The following NHEJ1 variants were observed in gnomAD, a reference collection of about 807,000 sequenced individuals.
NHEJ1 encodes the protein non-homologous end joining factor 1.
Under a neutral mutation model 39.4 loss-of-function variants are expected in NHEJ1, and 22 were observed. The observed-to-expected ratio is 0.56, with a 90% CI of 0.40 to 0.80. The LOEUF is 0.80. NHEJ1 is among the 30% of genes least tolerant of loss of function. The probability of loss-of-function intolerance (pLI) is 0.00; values close to 1 mark genes in which losing one functional copy is unlikely to be tolerated. For synonymous variants in NHEJ1, 154 were observed against 135.6 expected (o/e 1.14, Z -0.94); for missense variants, 329 against 357.1 (o/e 0.92, Z 0.63).
chr2:219,134,474 T>C (rs1949606527), intron 5 of NHEJ1, among the ~76,000 whole-genome samples: 1 of 152,226 alleles, frequency 6.6e-6, no homozygotes, highest in Non-Finnish European at 1.5e-5. Context: ...TACTATGCTA[T>C]TCTGATTATC....
intron 5 of NHEJ1, among the ~76,000 whole-genome samples, chr2:219,082,797 G>C (rs1451820488): frequency 6.6e-6 from 1 of 152,168 alleles, no homozygotes; most frequent in African/African-American, 2.4e-5. Flanking sequence ...CTAAGAGTAA[G>C]AATTCCGCTC....
At chr2:219,158,017 A>T (rs1949873845) in intron 2 of NHEJ1, among the ~76,000 whole-genome samples, 169 bp downstream of exon 2, 1 of 151,564 alleles carries the variant, frequency 6.6e-6, no homozygotes, top group Admixed American at 6.6e-5. Flanking sequence ...ACACACACAC[A>T]CACACACACA....
rs768557903 is a variant in NHEJ1 at position 219,070,533 on chromosome 2, C to T, written c.*5848G>A. On this transcript the variant is annotated 3_prime_UTR_variant, in exon 8 of 8. Coordinates refer to ENST00000356853, the MANE Select transcript of NHEJ1 (RefSeq NM_024782.3). ...AAAATGTTTTGCAAAGACAGGGTTTCGCCATGTTGCCTAGGCTGGTCTCAA... is the reference window on the plus strand; with the variant it reads ...AAAATGTTTTGCAAAGACAGGGTTTTGCCATGTTGCCTAGGCTGGTCTCAA... Among the ~76,000 whole-genome samples the T allele has an allele frequency of 1.2e-4, 19 of 152,306 alleles. No homozygotes were observed. Among genetic ancestry groups the T allele is most frequent in the Admixed American group, 3.9e-4 (6 of 15,308 alleles).
intron 5 of NHEJ1, among the ~76,000 whole-genome samples, chr2:219,099,987 A>G (rs1199307625): frequency 6.6e-6 from 1 of 152,222 alleles, no homozygotes; most frequent in Non-Finnish European, 1.5e-5. Context: ...GGTGGCATCC[A>G]GTGGGAGGTC....
At chr2:219,143,201 T>G (rs1949707645) in intron 5 of NHEJ1, among the ~76,000 whole-genome samples, 3 of 152,208 alleles carry the variant, frequency 2.0e-5, no homozygotes, top group Admixed American at 6.5e-5. Context: ...TCCATCTTGC[T>G]TATTTTGATG....
intron 5 of NHEJ1, among the ~76,000 whole-genome samples, chr2:219,137,593 C>CAAAAA (rs1290030506): frequency 2.4e-5 from 2 of 82,232 alleles, no homozygotes; most frequent in Admixed American, 1.4e-4. Context: ...AAAAAAAAAA[C>CAAAAA]AAAAAAAACT....
intron 5 of NHEJ1, among the ~76,000 whole-genome samples, chr2:219,085,779 T>C (rs73991024): frequency 0.035 from 5,295 of 150,998 alleles, 325 homozygotes; most frequent in African/African-American, 0.12. Flanking sequence ...CAGTCATATA[T>C]GCAAACATCT....
intron 5 of NHEJ1, among the ~76,000 whole-genome samples, chr2:219,128,094 G>A (rs1281232062): frequency 3.3e-5 from 5 of 152,218 alleles, no homozygotes; most frequent in African/African-American, 1.2e-4. Context: ...CAGGTCTTAA[G>A]GTTCTAGAAC....
At chr2:219,106,136 C>G (rs947667712) in intron 5 of NHEJ1, among the ~76,000 whole-genome samples, 4 of 152,188 alleles carry the variant, frequency 2.6e-5, no homozygotes, top group Non-Finnish European at 4.4e-5. Flanking sequence ...TAAGCTGCCT[C>G]AGATCCCAGG....
intron 3 of NHEJ1, among the ~76,000 whole-genome samples, chr2:219,156,180 C>T (rs1949853422): frequency 6.6e-6 from 1 of 151,808 alleles, no homozygotes; most frequent in African/African-American, 2.4e-5. Flanking sequence ...ACCCGGGAGG[C>T]GGAGCTTGCA....
chr2:219,155,761 AAAAT>A (rs1367661702), intron 3 of NHEJ1, among the ~76,000 whole-genome samples: 1 of 150,488 alleles, frequency 6.6e-6, no homozygotes, highest in Non-Finnish European at 1.5e-5. Flanking sequence ...TCTCTACTAA[AAAAT>A]ACAACAAAAA....
At chr2:219,129,976 G>GTT (rs11435116) in intron 5 of NHEJ1, among the ~76,000 whole-genome samples, 91 of 143,650 alleles carry the variant, frequency 6.3e-4, no homozygotes, top group African/African-American at 1.6e-3. Flanking sequence ...TTTCTGTCCT[G>GTT]TTTTTTTTTT....
intron 5 of NHEJ1, among the ~76,000 whole-genome samples, chr2:219,088,396 G>C (rs140039670): frequency 9.2e-5 from 14 of 152,152 alleles, no homozygotes; most frequent in Admixed American, 4.6e-4. Context: ...GGGAGGCCGA[G>C]GCAGGAGGAT....
intron 1 of NHEJ1, among the ~76,000 whole-genome samples, chr2:219,159,578 T>TATATATGCATATATATATATATATGC (rs1553549878): frequency 1.8e-5 from 1 of 56,328 alleles, no homozygotes; most frequent in Non-Finnish European, 3.4e-5. Context: ...TATATATGCA[T>TATATATGCATATATATATATATATGC]ATATATATGC....
At chr2:219,122,127 A>C (rs1363307720) in intron 5 of NHEJ1, among the ~76,000 whole-genome samples, 2 of 152,196 alleles carry the variant, frequency 1.3e-5, no homozygotes, top group African/African-American at 2.4e-5. Flanking sequence ...ATCTGACAGC[A>C]GGAGCAGCAG....
intron 5 of NHEJ1, among the ~76,000 whole-genome samples, chr2:219,086,578 C>T (rs1322182191): frequency 1.3e-5 from 2 of 152,202 alleles, no homozygotes; most frequent in African/African-American, 4.8e-5. Context: ...CCTTGAGTGT[C>T]CTCCAAGTAT....
At chr2:219,112,896 G>A (rs140263079) in intron 5 of NHEJ1, among the ~76,000 whole-genome samples, 3 of 151,918 alleles carry the variant, frequency 2.0e-5, no homozygotes, top group African/African-American at 7.2e-5. Context: ...ACACATACAC[G>A]CACTGTGCCA....
chr2:219,156,916 T>TA (rs1197290888), intron 3 of NHEJ1, among the ~76,000 whole-genome samples: 1 of 152,232 alleles, frequency 6.6e-6, no homozygotes, highest in East Asian at 1.9e-4. Context: ...CAAGATCCAC[T>TA]GCCTCCCTCA....
chr2:219,109,890 T>C (rs1949348350), intron 5 of NHEJ1, among the ~76,000 whole-genome samples: 1 of 152,314 alleles, frequency 6.6e-6, no homozygotes, highest in African/African-American at 2.4e-5. Context: ...TATTATGCAA[T>C]AATCCTTAAC....
Sources: allele counts gnomAD v4.1 joint callset (sites outside exome capture counted in the v4.1 genomes callset), GRCh38; gene constraint gnomAD v4.1.1; transcripts MANE v1.5; gene names NCBI Gene and HGNC (gene_info 2026-07-23, HGNC 2026-07-21).